Variants in ELMOD1 observed in about 807,000 individuals in gnomAD.
ELMOD1 encodes ELMO domain-containing protein 1.
In ELMOD1, 21 loss-of-function variants were observed where a neutral mutation model predicts 46.7. The observed-to-expected ratio is 0.45, with a 90% CI of 0.32 to 0.65. The LOEUF is 0.65. Among genes scored for constraint, ELMOD1 ranks in the 30% least tolerant of loss-of-function variants. The pLI, the probability that ELMOD1 is intolerant of heterozygous loss-of-function variation, is 0.04. For synonymous variants in ELMOD1, 122 were observed against 138.2 expected (o/e 0.88, Z 0.82); for missense variants, 348 against 407.8 (o/e 0.85, Z 1.26).
intron 1 of ELMOD1, chr11:107,592,086 T>C: frequency 5.0e-6 from 2 of 403,258 alleles, no homozygotes. Context: ...GGTGGTGGGG[T>C]GAGCTGTTGT....
intron 1 of ELMOD1, among the ~76,000 whole-genome samples, chr11:107,597,409 T>C (rs1020971365): frequency 2.0e-5 from 3 of 152,246 alleles, no homozygotes; most frequent in Non-Finnish European, 2.9e-5. Context: ...ATTAATGCTA[T>C]ACTTTGGTTG....
chr11:107,611,013 A>AAAAAAAG (rs1565372447), intron 1 of ELMOD1, among the ~76,000 whole-genome samples: 1 of 150,446 alleles, frequency 6.6e-6, no homozygotes, highest in Non-Finnish European at 1.5e-5. Context: ...AAAAAAAAAA[A>AAAAAAAG]AAAAGAAAAC....
At position 107,654,340 on chromosome 11, in the gene ELMOD1, T is replaced by G. The variant is rs184392107; in HGVS notation, c.698+118T>G. ...CTTGTCCTAATAGAAATATACAATC[T>G]GGTTAAAATGTTTAAAGTACCCTTC... is the stretch of plus-strand genomic sequence containing the variant. On this transcript the variant is annotated intron_variant, in intron 10 of 11. Coordinates refer to ENST00000265840, the MANE Select transcript of ELMOD1 (RefSeq NM_018712.4). 30 of 873,136 alleles carry G rather than the reference T, an allele frequency of 3.4e-5. No homozygotes were observed. In the East Asian group the frequency reaches 8.0e-4, roughly 23 times the overall value. The allele number at this position is 873,136 out of a possible 1,614,324, so 54.1% of individuals were successfully genotyped here. A position where few individuals can be genotyped will look rare whatever the true frequency, so the allele number is the denominator to read the frequency against.
At chr11:107,616,546 T>C (rs1304708559) in intron 1 of ELMOD1, among the ~76,000 whole-genome samples, 1 of 151,928 alleles carries the variant, frequency 6.6e-6, no homozygotes, top group African/African-American at 2.4e-5. Context: ...ACCCAGCCAA[T>C]TTCTGTATTT....
At chr11:107,592,040 G>C in intron 1 of ELMOD1, 1 of 479,094 alleles carries the variant, frequency 2.1e-6, no homozygotes, top group Non-Finnish European at 4.4e-6. Context: ...ACAGCTGACA[G>C]CTGACGGGGC....
At chr11:107,594,567 C>A (rs914930221) in intron 1 of ELMOD1, among the ~76,000 whole-genome samples, 8 of 152,298 alleles carry the variant, frequency 5.3e-5, no homozygotes, top group African/African-American at 1.9e-4. Flanking sequence ...TATTCTGTTA[C>A]CATCTTGGTC....
intron 1 of ELMOD1, among the ~76,000 whole-genome samples, chr11:107,613,792 A>G (rs900525067): frequency 6.6e-6 from 1 of 152,198 alleles, no homozygotes; most frequent in Non-Finnish European, 1.5e-5. Context: ...TTTCAATCAT[A>G]TCCTAATGAC....
In ELMOD1 at chr11:107,651,033, TC is replaced by T. The variant is rs758215806; in HGVS notation, c.647+126del. The T allele has an allele frequency of 3.9e-4, 203 of 526,790 alleles. 2 individuals carry two copies. The highest frequency in any genetic ancestry group is 4.5e-4 in the Non-Finnish European group (155 of 341,004). The allele number at this position is 526,790 out of a possible 1,614,324, so 32.6% of individuals were successfully genotyped here. ...AAAGCCAACATTTTCAAACCTTTAA[TC>T]TAATATAGTTAATTATAGCTGGGCT... is the stretch of plus-strand genomic sequence containing the variant. On this transcript the variant is annotated intron_variant, in intron 9 of 11. Transcript: ENST00000265840.
chr11:107,599,011 CTGAG>C (rs1865542042), intron 1 of ELMOD1, among the ~76,000 whole-genome samples: 1 of 152,160 alleles, frequency 6.6e-6, no homozygotes, highest in East Asian at 1.9e-4. Context: ...TTTTCATTCT[CTGAG>C]TATTTATGGA....
At chr11:107,660,127 A>C (rs555248612) in intron 11 of ELMOD1, among the ~76,000 whole-genome samples, 1 of 152,268 alleles carries the variant, frequency 6.6e-6, no homozygotes, top group South Asian at 2.1e-4. Flanking sequence ...AGACATGATC[A>C]GTTCTGCACG....
rs567259027 is a variant in ELMOD1 at position 107,602,139 on chromosome 11, T to C, written c.-86+10730T>C. 9.2e-5 allele frequency among the ~76,000 whole-genome samples: 14 copies of C among 152,358 alleles called. No individual in the cohort carries two copies. In the East Asian group the frequency reaches 2.5e-3, roughly 27 times the overall value. The stretch of plus-strand genomic sequence containing the variant: ...AATATTTTGGCTAAGTGTAGAAATG[T>C]AGATTAGAAAGAATTTTTTCTTGGA... On this transcript the variant is annotated intron_variant, in intron 1 of 11. Transcript: ENST00000265840.
intron 1 of ELMOD1, among the ~76,000 whole-genome samples, chr11:107,606,923 AC>A (rs1865694927): frequency 6.6e-6 from 1 of 152,222 alleles, no homozygotes; most frequent in African/African-American, 2.4e-5. Context: ...GTGTCTCACC[AC>A]AAAAAATGTA....
intron 1 of ELMOD1, among the ~76,000 whole-genome samples, chr11:107,613,668 T>C (rs1307183482): frequency 2.0e-5 from 3 of 152,224 alleles, no homozygotes; most frequent in Non-Finnish European, 4.4e-5. Context: ...GGTAAGCCAA[T>C]TTTATAGTTA....
At chr11:107,660,595 G>A (rs1262746192) in intron 11 of ELMOD1, among the ~76,000 whole-genome samples, 2 of 152,212 alleles carry the variant, frequency 1.3e-5, no homozygotes, top group Admixed American at 6.5e-5. Flanking sequence ...GCCTATTGCC[G>A]TGGTGAAAAG....
chr11:107,664,211 C>CTTTTCTTTCTCTA, intron 11 of ELMOD1, among the ~76,000 whole-genome samples: 1 of 150,608 alleles, frequency 6.6e-6, no homozygotes, highest in East Asian at 1.9e-4. Flanking sequence ...CATAGAGACA[C>CTTTTCTTTCTCTA]CTGAGCTTGT....
chr11:107,611,852 T>A (rs1160132795), intron 1 of ELMOD1, among the ~76,000 whole-genome samples: 1 of 151,970 alleles, frequency 6.6e-6, no homozygotes, highest in African/African-American at 2.4e-5. Flanking sequence ...ATGGCTATTA[T>A]TAAGAAGTCC....
chr11:107,612,542 T>C (rs1160739994), intron 1 of ELMOD1, among the ~76,000 whole-genome samples: 1 of 152,226 alleles, frequency 6.6e-6, no homozygotes, highest in African/African-American at 2.4e-5. Context: ...ATTCTCCCCA[T>C]GCTTAGGTCC....
At chr11:107,658,223 G>A (rs1019259058) in intron 11 of ELMOD1, among the ~76,000 whole-genome samples, 11 of 152,046 alleles carry the variant, frequency 7.2e-5, no homozygotes, top group African/African-American at 2.4e-4. Context: ...GCAGGAGACT[G>A]CTTTTTTTTG....
chr11:107,642,883 C>T, intron 6 of ELMOD1: 1 of 302,148 alleles, frequency 3.3e-6, no homozygotes, highest in Non-Finnish European at 6.6e-6. Flanking sequence ...TTGTGATTCC[C>T]CTTCATGCTA....
Sources: allele counts gnomAD v4.1 joint callset (sites outside exome capture counted in the v4.1 genomes callset), GRCh38; gene constraint gnomAD v4.1.1; transcripts MANE v1.5; gene names NCBI Gene and HGNC (gene_info 2026-07-23, HGNC 2026-07-21).